The following NCOR2 variants were observed in gnomAD, a reference collection of about 807,000 sequenced individuals.
The protein encoded by NCOR2 is nuclear receptor corepressor 2.
NCOR2 carries 81 observed loss-of-function variants against 262.9 expected under a neutral mutation model. The observed-to-expected ratio is 0.31, with a 90% CI of 0.26 to 0.37. NCOR2 has a LOEUF of 0.37. NCOR2 is among the 10% of genes least tolerant of loss of function. NCOR2 has a pLI of 1.00. For synonymous variants in NCOR2, 1,659 were observed against 1,559.3 expected, an observed-to-expected ratio of 1.06 and a Z score of -1.51; for missense variants, 3,385 against 3,621.4, an observed-to-expected ratio of 0.93 and a Z score of 1.68.
intron 1 of NCOR2, among the ~76,000 whole-genome samples, chr12:124,551,792 C>T (rs1179734308): frequency 1.3e-5 from 2 of 152,242 alleles, no homozygotes; most frequent in East Asian, 1.9e-4. Flanking sequence ...AGGCGCGGGC[C>T]GTTTTCTTCC....
chr12:124,422,466 G>C (rs2043265186), intron 12 of NCOR2, 35 bp downstream of exon 14: 1 of 1,613,410 alleles, frequency 6.2e-7, no homozygotes, highest in Admixed American at 1.7e-5. Context: ...CACGGAGGTG[G>C]AGACCGAAGG....
chr12:124,341,533 G>A (rs148622650), intron 34 of NCOR2, among the ~76,000 whole-genome samples: 6 of 152,270 alleles, frequency 3.9e-5, no homozygotes, highest in African/African-American at 9.6e-5. Context: ...CACTGTGCCC[G>A]GCCACATTTT....
intron 6 of NCOR2, among the ~76,000 whole-genome samples, chr12:124,451,164 C>T (rs1017648205): frequency 2.0e-5 from 3 of 152,248 alleles, no homozygotes; most frequent in Non-Finnish European, 4.4e-5. Context: ...CTGCAGGAAG[C>T]GGGCAGAGAG....
At chr12:124,456,076 A>G (rs540460399) in intron 6 of NCOR2, among the ~76,000 whole-genome samples, 6 of 152,272 alleles carry the variant, frequency 3.9e-5, no homozygotes, top group African/African-American at 1.4e-4. Flanking sequence ...AGGTCTTGCT[A>G]TCTTGCCCAG....
At chr12:124,543,706 C>T (rs1594045256) in intron 1 of NCOR2, among the ~76,000 whole-genome samples, 1 of 152,298 alleles carries the variant, frequency 6.6e-6, no homozygotes. Flanking sequence ...AAGGGGGACG[C>T]GGGCTCTGTC....
chr12:124,437,522 G>A (rs2044417904), intron 8 of NCOR2, among the ~76,000 whole-genome samples: 1 of 152,184 alleles, frequency 6.6e-6, no homozygotes, highest in South Asian at 2.1e-4. Flanking sequence ...CAGTGCACCA[G>A]GAAAGGCTCA....
intron 1 of NCOR2, chr12:124,556,479 T>C (rs1430097768): frequency 1.3e-5 from 2 of 152,202 alleles, no homozygotes; most frequent in African/African-American, 4.8e-5. Context: ...AACAGCAAGA[T>C]GACAAACGTG....
upstream of NCOR2, among the ~76,000 whole-genome samples, chr12:124,497,136 C>A (rs913035053): frequency 6.6e-6 from 1 of 152,238 alleles, no homozygotes; most frequent in Admixed American, 6.5e-5. The surrounding 1 kb of genome is among the most constrained non-coding windows in gnomAD (Gnocchi z 4.2). Context: ...TGTCACATGC[C>A]ACCAAGAATT....
intron 44 of NCOR2, among the ~76,000 whole-genome samples, chr12:124,330,057 G>T (rs2035053863): frequency 6.6e-6 from 1 of 152,198 alleles, no homozygotes; most frequent in Non-Finnish European, 1.5e-5. Flanking sequence ...CATTCCCAGG[G>T]CTCAAGGCCC....
chr12:124,411,207 TAGAA>T (rs369253542), intron 13 of NCOR2, among the ~76,000 whole-genome samples: 2 of 140,946 alleles, frequency 1.4e-5, no homozygotes, highest in South Asian at 2.3e-4. Context: ...CACAGAGAAA[TAGAA>T]AGAGGGAGGA....
At chr12:124,488,915 C>T (rs963792438) in intron 1 of NCOR2, among the ~76,000 whole-genome samples, 3 of 152,000 alleles carry the variant, frequency 2.0e-5, no homozygotes, top group East Asian at 1.9e-4. Context: ...CTTTGGCCTT[C>T]GTTTCCCAAT....
chr12:124,552,410 T>C (rs990685063), intron 1 of NCOR2, among the ~76,000 whole-genome samples: 3 of 152,188 alleles, frequency 2.0e-5, no homozygotes, highest in African/African-American at 7.2e-5. Context: ...TGCTTTTCAC[T>C]AGCACAGCCC....
chr12:124,327,831 G>A (rs941061178), intron 44 of NCOR2, among the ~76,000 whole-genome samples, 198 bp from the exon 47 acceptor site: 12 of 151,834 alleles, frequency 7.9e-5, no homozygotes, highest in African/African-American at 2.7e-4. Context: ...TTTCCTGCTG[G>A]GTGGTGATAA....
rs777949573 is a variant in NCOR2 at position 124,334,483 on chromosome 12, G to T, written c.6546C>A (p.Leu2182=). 1.6e-4 allele frequency: 237 copies of T among 1,461,168 alleles called. 1 individual carries two copies. Among genetic ancestry groups the T allele is most frequent in the Middle Eastern group, 2.4e-4 (1 of 4,254 alleles). 90.5% of individuals were successfully genotyped at this position (1,461,168 alleles called of 1,614,324 possible). A position where few individuals can be genotyped will look rare whatever the true frequency, so the allele number is the denominator to read the frequency against. Residue 2182 remains leucine, a synonymous_variant, in exon 41 of 47, where the codon CTC becomes CTA. Transcript: ENST00000405201. ...CCGGGGCACCATGGTCCGGGGGCGGGAGGTAGAGGTCACTGGGTGGGCGGC... is the reference window on the plus strand; with the variant it reads ...CCGGGGCACCATGGTCCGGGGGCGGTAGGTAGAGGTCACTGGGTGGGCGGC...
chr12:124,466,112 C>T (rs969514923), intron 5 of NCOR2, 61 bp downstream of exon 7: 3 of 1,465,140 alleles, frequency 2.0e-6, no homozygotes, highest in South Asian at 2.4e-5. Flanking sequence ...TTCATGGTGC[C>T]CCCTGTGAAG....
intron 27 of NCOR2, 48 bp from the exon 30 acceptor site, chr12:124,350,785 CCT>C (rs763310196): frequency 1.3e-6 from 2 of 1,566,412 alleles, no homozygotes; most frequent in Non-Finnish European, 1.7e-6. Flanking sequence ...GCCCAGGACC[CCT>C]CTCAACTCAA....
At chr12:124,427,867 G>A (rs1411727257) in intron 10 of NCOR2, among the ~76,000 whole-genome samples, 1 of 152,162 alleles carries the variant, frequency 6.6e-6, no homozygotes, top group African/African-American at 2.4e-5. Context: ...CTCCCAGAAG[G>A]ATGGGAAGTG....
At chr12:124,421,917 G>C (rs1346987550) in intron 12 of NCOR2, among the ~76,000 whole-genome samples, 1 of 152,230 alleles carries the variant, frequency 6.6e-6, no homozygotes, top group Non-Finnish European at 1.5e-5. Flanking sequence ...TCCGGGCCTG[G>C]GCTTGACACA....
intron 1 of NCOR2, among the ~76,000 whole-genome samples, chr12:124,506,061 C>A (rs1394749428): frequency 6.6e-6 from 1 of 152,002 alleles, no homozygotes; most frequent in Non-Finnish European, 1.5e-5. Context: ...TGCTTCAAGC[C>A]CCCCAGCTTC....
Sources: allele counts gnomAD v4.1 joint callset (sites outside exome capture counted in the v4.1 genomes callset), GRCh38; gene constraint gnomAD v4.1.1; non-coding constraint Gnocchi (gnomAD v3.1); transcripts MANE v1.5; gene names NCBI Gene and HGNC (gene_info 2026-07-23, HGNC 2026-07-21).